CTTNBP2: variants seen among roughly 807,000 people sequenced by gnomAD.
CTTNBP2 encodes cortactin binding protein 2.
CTTNBP2 carries 108 observed loss-of-function variants against 156.9 expected under a neutral mutation model. The observed-to-expected ratio is 0.69, with a 90% CI of 0.59 to 0.81. CTTNBP2 has a LOEUF of 0.81. Among genes scored for constraint, CTTNBP2 ranks in the 30% least tolerant of loss-of-function variants. CTTNBP2 has a pLI of 0.00. For synonymous variants in CTTNBP2, 767 were observed against 751.8 expected (o/e 1.02, Z -0.33); for missense variants, 1,924 against 2,035.4 (o/e 0.95, Z 1.05).
intron 3 of CTTNBP2, among the ~76,000 whole-genome samples, chr7:117,803,615 A>G (rs909336544): frequency 2.0e-5 from 3 of 152,178 alleles, no homozygotes; most frequent in Admixed American, 6.5e-5. Flanking sequence ...TGACTTTTTT[A>G]TGTATTAAGG....
intron 14 of CTTNBP2, among the ~76,000 whole-genome samples, chr7:117,742,211 C>A (rs1796058200): frequency 6.6e-6 from 1 of 152,220 alleles, no homozygotes; most frequent in Non-Finnish European, 1.5e-5. Flanking sequence ...TAGTCTATAA[C>A]AGACTACTCT....
chr7:117,865,210 C>T lies in CTTNBP2; in HGVS notation c.82-3894G>A, dbSNP rs544468560. On this transcript the variant is annotated intron_variant, in intron 1 of 22. Transcript: ENST00000160373. Reference sequence around the variant, plus strand: ...AAAAATTAAGGTCTCTATCAGGGCACCATGAAAACATGACCCCCAAATCCC... The same window carrying T: ...AAAAATTAAGGTCTCTATCAGGGCATCATGAAAACATGACCCCCAAATCCC... Among the ~76,000 whole-genome samples the T allele has an allele frequency of 6.6e-5, 10 of 151,754 alleles. No individual in the cohort carries two copies. The South Asian group carries it at 2.1e-3, about 32-fold the overall frequency.
intron 2 of CTTNBP2, among the ~76,000 whole-genome samples, chr7:117,859,307 T>A (rs1282906680): frequency 6.6e-6 from 1 of 152,220 alleles, no homozygotes; most frequent in Non-Finnish European, 1.5e-5. Flanking sequence ...GTGCTGATTA[T>A]TAGCAAGCCT....
chr7:117,795,430 TA>T (rs2116884556), intron 3 of CTTNBP2, among the ~76,000 whole-genome samples: 1 of 152,302 alleles, frequency 6.6e-6, no homozygotes, highest in African/African-American at 2.4e-5. Context: ...TTTCCGCTAT[TA>T]AAATACAAAT....
At chr7:117,758,928 A>C (rs1225100426) in intron 10 of CTTNBP2, among the ~76,000 whole-genome samples, 1 of 152,148 alleles carries the variant, frequency 6.6e-6, no homozygotes, top group Non-Finnish European at 1.5e-5. Context: ...TGCCTTTGTC[A>C]GTTTCCACAT....
At chr7:117,806,518 A>C (rs554432457) in intron 3 of CTTNBP2, among the ~76,000 whole-genome samples, 2 of 152,282 alleles carry the variant, frequency 1.3e-5, no homozygotes, top group Admixed American at 1.3e-4. Flanking sequence ...ACTCCAACCC[A>C]TCTGCTCAAT....
intron 2 of CTTNBP2, among the ~76,000 whole-genome samples, chr7:117,815,638 G>A (rs752746681): frequency 4.7e-4 from 71 of 152,104 alleles, no homozygotes; most frequent in Non-Finnish European, 7.5e-4. Context: ...ATGTATGCAG[G>A]GGCCAGGTAG....
At chr7:117,820,255 C>G (rs534387286) in intron 2 of CTTNBP2, among the ~76,000 whole-genome samples, 85 of 152,354 alleles carry the variant, frequency 5.6e-4, no homozygotes, top group African/African-American at 2.0e-3. Context: ...CAACGTCCAA[C>G]TGTCTTATTA....
At chr7:117,765,525 C>T (rs1797439144) in intron 9 of CTTNBP2, among the ~76,000 whole-genome samples, 1 of 152,152 alleles carries the variant, frequency 6.6e-6, no homozygotes, top group Non-Finnish European at 1.5e-5. Context: ...TTAAATCACA[C>T]TACCTAATGT....
chr7:117,756,529 G>C (rs371663905), intron 12 of CTTNBP2, 26 bp downstream of exon 12: 2 of 1,565,134 alleles, frequency 1.3e-6, no homozygotes, highest in African/African-American at 2.7e-5. Context: ...GAAAACACAG[G>C]TCTCCACCCA....
intron 2 of CTTNBP2, among the ~76,000 whole-genome samples, chr7:117,840,402 C>G (rs1397670442): frequency 6.6e-6 from 1 of 151,950 alleles, no homozygotes. Context: ...GTGGGGCGTA[C>G]CTGGTCCCAG....
At chr7:117,760,284 A>G (rs1338212968) in intron 10 of CTTNBP2, 151 bp downstream of exon 10, 2 of 671,202 alleles carry the variant, frequency 3.0e-6, no homozygotes, top group African/African-American at 3.6e-5. Flanking sequence ...TAATGGCTAC[A>G]TTGTGAATAC....
chr7:117,765,903 C>T (rs1420046959), intron 9 of CTTNBP2, among the ~76,000 whole-genome samples: 2 of 152,130 alleles, frequency 1.3e-5, no homozygotes, highest in Non-Finnish European at 2.9e-5. Context: ...CATTAAACTG[C>T]CCAAAACATC....
At chr7:117,771,433 C>T (rs536330486) in intron 8 of CTTNBP2, among the ~76,000 whole-genome samples, 6 of 152,144 alleles carry the variant, frequency 3.9e-5, no homozygotes, top group African/African-American at 9.7e-5. Context: ...TGGGAAATAA[C>T]GACATGAGCA....
intron 2 of CTTNBP2, among the ~76,000 whole-genome samples, chr7:117,853,823 T>C (rs919474720): frequency 6.6e-6 from 1 of 152,224 alleles, no homozygotes; most frequent in African/African-American, 2.4e-5. Flanking sequence ...GCAAATGCTA[T>C]GCAGTTACTT....
intron 2 of CTTNBP2, among the ~76,000 whole-genome samples, chr7:117,828,557 T>C (rs1318676726): frequency 3.3e-5 from 5 of 152,224 alleles, no homozygotes; most frequent in South Asian, 2.1e-4. Context: ...AGGTAATGTA[T>C]GAACTGCTGT....
chr7:117,830,606 T>C lies in CTTNBP2; in HGVS notation c.190-19617A>G, dbSNP rs34359431. ...AAATACATAGCCATTGGGAGAAATA[T>C]CCTTAGAGCTGATATATTATTTGGA... On this transcript the variant is annotated intron_variant, in intron 2 of 22. Transcript: ENST00000160373. Among the ~76,000 whole-genome samples the C allele has an allele frequency of 6.3e-3, 955 of 152,278 alleles. 34 individuals are homozygous for C. The highest frequency in any genetic ancestry group is 0.056 in the Admixed American group (851 of 15,306).
intron 2 of CTTNBP2, among the ~76,000 whole-genome samples, chr7:117,850,126 T>C (rs1269234514): frequency 2.6e-5 from 4 of 152,016 alleles, no homozygotes; most frequent in Admixed American, 6.6e-5. Flanking sequence ...CTCCAATTCT[T>C]CAACATTTCT....
At chr7:117,755,051 C>A (rs1207157737) in intron 12 of CTTNBP2, among the ~76,000 whole-genome samples, 1 of 152,162 alleles carries the variant, frequency 6.6e-6, no homozygotes, top group Non-Finnish European at 1.5e-5. Context: ...GCTAACATTC[C>A]TGAAAACCAG....
Sources: allele counts gnomAD v4.1 joint callset (sites outside exome capture counted in the v4.1 genomes callset), GRCh38; gene constraint gnomAD v4.1.1; transcripts MANE v1.5; gene names NCBI Gene and HGNC (gene_info 2026-07-23, HGNC 2026-07-21).